KDM5B: variants seen among roughly 807,000 people sequenced by gnomAD.
KDM5B encodes the protein lysine-specific demethylase 5B.
KDM5B carries 144 observed loss-of-function variants against 193.4 expected under a neutral mutation model. The ratio of observed to expected loss-of-function variants is 0.74; its 90% CI spans 0.65 to 0.86. The LOEUF (loss-of-function observed/expected upper bound fraction) is 0.86, where lower values mean the gene tolerates loss of function less well. KDM5B is among the 40% of genes least tolerant of loss of function. The probability of loss-of-function intolerance (pLI) is 0.00; values close to 1 mark genes in which losing one functional copy is unlikely to be tolerated. For synonymous variants in KDM5B, 668 were observed against 682.6 expected (o/e 0.98, Z 0.33); for missense variants, 1,833 against 1,886.9 (o/e 0.97, Z 0.53).
chr1:202,744,428 C>T (rs191021049), intron 16 of KDM5B, among the ~76,000 whole-genome samples: 7 of 152,186 alleles, frequency 4.6e-5, no homozygotes, highest in African/African-American at 9.6e-5. Flanking sequence ...CATGTTGGCA[C>T]GTGCCTGTAG....
At chr1:202,742,330 G>A in intron 18 of KDM5B, 61 bp downstream of exon 18, 1 of 1,126,656 alleles carries the variant, frequency 8.9e-7, no homozygotes, top group Non-Finnish European at 1.3e-6. Flanking sequence ...AATATCAATA[G>A]AGTTTATATA....
Position 202,729,017 on chromosome 1 carries a change from G to C in KDM5B, c.*19C>G. The C allele has an allele frequency of 6.2e-7, 1 of 1,613,732 alleles. No homozygotes were observed. Among genetic ancestry groups the C allele is most frequent in the Non-Finnish European group, 8.5e-7 (1 of 1,179,772 alleles). ...AGTCCTGAATTACATTAAGTAGGGG[G>C]GTATCTGTTTTTGTGTTTTTACTTT... On this transcript the variant is annotated 3_prime_UTR_variant, in exon 27 of 27. Transcript: ENST00000367265.
intron 1 of KDM5B, among the ~76,000 whole-genome samples, chr1:202,788,845 C>T (rs1411908908): frequency 6.6e-6 from 1 of 151,996 alleles, no homozygotes; most frequent in Admixed American, 6.6e-5. Context: ...TACCTAGAAT[C>T]CAGGGAAGAA....
At chr1:202,787,766 G>A (rs1014013878) in intron 1 of KDM5B, among the ~76,000 whole-genome samples, 1 of 151,702 alleles carries the variant, frequency 6.6e-6, no homozygotes, top group African/African-American at 2.4e-5. Context: ...GGTGGCGGGC[G>A]CCTGTAATCC....
At chr1:202,791,207 T>G (rs1657629696) in intron 1 of KDM5B, among the ~76,000 whole-genome samples, 1 of 152,210 alleles carries the variant, frequency 6.6e-6, no homozygotes, top group Admixed American at 6.5e-5. Context: ...TAAATTTGAT[T>G]TGAAAGATAA....
chr1:202,750,497 A>G (rs944582855), intron 13 of KDM5B, among the ~76,000 whole-genome samples, 162 bp downstream of exon 13: 1 of 151,898 alleles, frequency 6.6e-6, no homozygotes, highest in African/African-American at 2.4e-5. Context: ...CTGGTCTCGA[A>G]CTCCTGACCT....
intron 22 of KDM5B, among the ~76,000 whole-genome samples, chr1:202,734,218 C>CACCA (rs1655008559): frequency 2.7e-5 from 4 of 150,800 alleles, no homozygotes; most frequent in Non-Finnish European, 5.9e-5. Context: ...ATCACCACAT[C>CACCA]TATCCCCTTT....
chr1:202,750,431 G>A (rs113807147), intron 13 of KDM5B, among the ~76,000 whole-genome samples: 3 of 151,990 alleles, frequency 2.0e-5, no homozygotes, highest in African/African-American at 7.2e-5. Context: ...GGCGCCCACC[G>A]CCACGCCTAA....
At chr1:202,738,025 G>C (rs1572709915) in intron 20 of KDM5B, among the ~76,000 whole-genome samples, 1 of 152,130 alleles carries the variant, frequency 6.6e-6, no homozygotes, top group South Asian at 2.1e-4. Flanking sequence ...TTAGAAATCC[G>C]AGTGCTTCCT....
chr1:202,799,739 T>C (rs1213209733), intron 1 of KDM5B, among the ~76,000 whole-genome samples: 1 of 152,074 alleles, frequency 6.6e-6, no homozygotes. Flanking sequence ...TTGATAAACC[T>C]CTTTTTTATC....
intron 1 of KDM5B, among the ~76,000 whole-genome samples, 173 bp from the exon 2 acceptor site, chr1:202,777,267 T>C (rs1173140470): frequency 4.0e-5 from 6 of 151,088 alleles, no homozygotes; most frequent in African/African-American, 7.3e-5. Flanking sequence ...AAAATATGTA[T>C]GAACACCCTT....
At chr1:202,790,061 C>T (rs1358705761) in intron 1 of KDM5B, among the ~76,000 whole-genome samples, 2 of 151,128 alleles carry the variant, frequency 1.3e-5, no homozygotes, top group African/African-American at 2.4e-5. Flanking sequence ...GTTGAGGGTT[C>T]GAGACCAGCC....
In KDM5B at chr1:202,756,535, G is replaced by A. The variant is rs1161053437; in HGVS notation, c.1198-19C>T. 12 of 1,551,256 alleles carry A rather than the reference G, an allele frequency of 7.7e-6. No homozygotes were observed. The Admixed American group carries it at 1.6e-4, about 21-fold the overall frequency. Reference sequence around the variant, plus strand: ...GGACCATCTGGAAATACAAGGAATAGAAAAAATGAGTTTCCTCACAAACTG... The same window carrying A: ...GGACCATCTGGAAATACAAGGAATAAAAAAAATGAGTTTCCTCACAAACTG... On this transcript the variant is annotated intron_variant, in intron 9 of 26. Transcript: ENST00000367265.
intron 1 of KDM5B, among the ~76,000 whole-genome samples, chr1:202,786,335 A>G (rs994908004): frequency 1.3e-5 from 2 of 152,034 alleles, no homozygotes; most frequent in African/African-American, 4.8e-5. Flanking sequence ...AAATAAGAGC[A>G]CATATTGTTA....
intron 1 of KDM5B, among the ~76,000 whole-genome samples, chr1:202,777,367 A>G (rs554020149): frequency 6.6e-6 from 1 of 152,052 alleles, no homozygotes; most frequent in Non-Finnish European, 1.5e-5. Flanking sequence ...AAAAAAAAAA[A>G]AAAACACTCA....
At chr1:202,759,875 T>A (rs1656175904) in intron 8 of KDM5B, among the ~76,000 whole-genome samples, 1 of 152,150 alleles carries the variant, frequency 6.6e-6, no homozygotes, top group Non-Finnish European at 1.5e-5. Context: ...AATTAAAAAA[T>A]AATAATAAGA....
chr1:202,783,178 G>T (rs190329334), intron 1 of KDM5B, among the ~76,000 whole-genome samples: 1 of 152,330 alleles, frequency 6.6e-6, no homozygotes, highest in Admixed American at 6.5e-5. Context: ...TGAGACAGGA[G>T]AATCACTTGA....
intron 1 of KDM5B, among the ~76,000 whole-genome samples, chr1:202,787,261 T>C (rs536494459): frequency 1.3e-5 from 2 of 152,254 alleles, no homozygotes; most frequent in African/African-American, 2.4e-5. Flanking sequence ...ACTCCAACCT[T>C]TGGCCTCCCA....
intron 13 of KDM5B, among the ~76,000 whole-genome samples, chr1:202,749,878 C>A (rs2102250092): frequency 6.6e-6 from 1 of 152,242 alleles, no homozygotes; most frequent in African/African-American, 2.4e-5. Context: ...AGTTATAATT[C>A]ATTAGCTTTA....
Sources: allele counts gnomAD v4.1 joint callset (sites outside exome capture counted in the v4.1 genomes callset), GRCh38; gene constraint gnomAD v4.1.1; transcripts MANE v1.5; gene names NCBI Gene and HGNC (gene_info 2026-07-23, HGNC 2026-07-21).